The following PFKFB3 variants were observed in gnomAD, a reference collection of about 807,000 sequenced individuals.
The protein encoded by PFKFB3 is 6-phosphofructo-2-kinase/fructose-2,6-biphosphatase 3.
PFKFB3 carries 33 observed loss-of-function variants against 68.0 expected under a neutral mutation model. That is an observed-to-expected ratio of 0.49 (90% confidence interval 0.37 to 0.65). The LOEUF is 0.65. PFKFB3 is among the 30% of genes least tolerant of loss of function. The pLI is 0.00. For synonymous variants in PFKFB3, 315 were observed against 288.2 expected (o/e 1.09, Z -0.94); for missense variants, 586 against 712.2 (o/e 0.82, Z 2.02).
chr10:6,163,255 A>G (rs1842017199), intron 1 of PFKFB3, among the ~76,000 whole-genome samples: 1 of 152,214 alleles, frequency 6.6e-6, no homozygotes, highest in South Asian at 2.1e-4. Flanking sequence ...TTAAGAAAAT[A>G]TCTCCAGAGA....
chr10:6,162,493 T>A (rs766610229), intron 1 of PFKFB3, among the ~76,000 whole-genome samples: 1 of 152,220 alleles, frequency 6.6e-6, no homozygotes, highest in Non-Finnish European at 1.5e-5. Flanking sequence ...CTATTTACCA[T>A]TTTTGTCATT....
chr10:6,209,765 CTT>C (rs56822740), intron 1 of PFKFB3, among the ~76,000 whole-genome samples: 2 of 121,260 alleles, frequency 1.6e-5, no homozygotes, highest in Non-Finnish European at 1.6e-5. Flanking sequence ...CTTACCTTTT[CTT>C]TTTTTTTTTT....
At position 6,222,804 on chromosome 10, in the gene PFKFB3, A is replaced by G. The variant is rs756096960; in HGVS notation, c.1084-51A>G. The G allele has an allele frequency of 3.2e-6, 5 of 1,563,834 alleles. No individual in the cohort carries two copies. The African/African-American group carries it at 6.8e-5, about 21-fold the overall frequency. On this transcript the variant is annotated intron_variant, in intron 10 of 14. Transcript: ENST00000379775. ...TGATGCAGTCTGTGGCCAGCGGCAG[A>G]GCCCCTCCCGAGTGCCCTGAGCTCA...
Position 6,203,284 on chromosome 10 carries a change from C to T in PFKFB3, c.24C>T (p.Ser8=), listed in dbSNP as rs368385191. The change falls in exon 1 of 15, where the codon AGC becomes AGT. Residue 8 remains serine, a synonymous_variant. Coordinates refer to ENST00000379775, the MANE Select transcript of PFKFB3 (RefSeq NM_004566.4). MPLELTQ[S]RVQKIWVPVD... Reference sequence around the variant, plus strand: ...AGATGCCGTTGGAACTGACGCAGAGCCGAGTGCAGAAGATCTGGGTGCCCG... The same window carrying T: ...AGATGCCGTTGGAACTGACGCAGAGTCGAGTGCAGAAGATCTGGGTGCCCG... The T allele has an allele frequency of 3.5e-5, 57 of 1,610,862 alleles. No individual in the cohort carries two copies. In the Middle Eastern group the frequency reaches 8.3e-4, roughly 23 times the overall value.
intron 1 of PFKFB3, among the ~76,000 whole-genome samples, chr10:6,183,749 G>A (rs1430740706): frequency 2.7e-4 from 41 of 149,736 alleles, no homozygotes; most frequent in Admixed American, 7.3e-4. Context: ...GTGCAGTGGC[G>A]TGATCTCGGC....
intron 1 of PFKFB3, among the ~76,000 whole-genome samples, chr10:6,160,376 G>A (rs965363101): frequency 6.6e-6 from 1 of 152,140 alleles, no homozygotes; most frequent in Non-Finnish European, 1.5e-5. Flanking sequence ...CTCTACCTGA[G>A]GTCCAGAAAG....
chr10:6,221,757 C>T lies in PFKFB3; in HGVS notation c.1083+12C>T, dbSNP rs1293133662. 3 of 1,557,326 alleles carry T rather than the reference C, an allele frequency of 1.9e-6. No individual in the cohort carries two copies. Among genetic ancestry groups the T allele is most frequent in the Admixed American group, 3.7e-5 (2 of 53,908 alleles). ...ACCCCACCGGGGAGGTGAGCGCAGG[C>T]TGGGGCGGGCTGACGGTCCCCAGCA... On this transcript the variant is annotated intron_variant, in intron 10 of 14. Coordinates refer to ENST00000379775, the MANE Select transcript of PFKFB3 (RefSeq NM_004566.4).
chr10:6,290,752 C>T, the PFKFB3 span, among the ~76,000 whole-genome samples: 1 of 152,122 alleles, frequency 6.6e-6, no homozygotes, highest in African/African-American at 2.4e-5. Context: ...GATCTGCCTG[C>T]CTTGGCCTCC....
rs1205902145 is a variant in PFKFB3, at chr10:6,226,279, A to G, written c.1429A>G (p.Asn477Asp). Residue 477 changes from asparagine (N) to aspartate (D), a missense_variant, in exon 14 of 15, where the codon AAC becomes GAC. Physicochemically the swap from Asn to Asp is conservative, Grantham distance 23. Coordinates refer to ENST00000379775, the MANE Select transcript of PFKFB3 (RefSeq NM_004566.4). ...SPEPTKKPRI[N>D]SFEEHVASTS... ...CGAACCCACCAAAAAGCCTCGCATC[A>G]ACAGCTTTGAGGAGCATGTGGCCTC... 6.2e-7 allele frequency: 1 copy of G among 1,614,044 alleles called. No individual in the cohort carries two copies. Among genetic ancestry groups the G allele is most frequent in the Non-Finnish European group, 8.5e-7 (1 of 1,180,016 alleles).
At chr10:6,222,314 C>G (rs1845021905) in intron 10 of PFKFB3, among the ~76,000 whole-genome samples, 1 of 152,222 alleles carries the variant, frequency 6.6e-6, no homozygotes, top group Non-Finnish European at 1.5e-5. Flanking sequence ...AAAGTCACAG[C>G]CCTCCTGCTT....
At chr10:6,184,771 CT>C (rs35388630) in intron 1 of PFKFB3, among the ~76,000 whole-genome samples, 16 of 121,400 alleles carry the variant, frequency 1.3e-4, no homozygotes, top group South Asian at 2.8e-4. Flanking sequence ...CGCGCCTGGC[CT>C]TTTTTTTTTT....
rs181911361 is a variant in PFKFB3 at position 6,185,730 on chromosome 10, C to T, written c.17-27893C>T. Among the ~76,000 whole-genome samples, 410 of 151,666 alleles carry T rather than the reference C, an allele frequency of 2.7e-3. 1 individual carries two copies. Among genetic ancestry groups the T allele is most frequent in the African/African-American group, 9.3e-3 (384 of 41,314 alleles). On this transcript the variant is annotated intron_variant, in intron 1 of 14. Transcript: ENST00000379789. ...TTTCGGCTCACTGCAACCTCTGCCT[C>T]CTGGGTTCAAGCGATTTTCCTGCCT... is the stretch of plus-strand genomic sequence containing the variant.
intron 13 of PFKFB3, 189 bp downstream of exon 13, chr10:6,224,402 T>G: frequency 4.8e-6 from 3 of 629,898 alleles, no homozygotes; most frequent in Non-Finnish European, 8.5e-6. Context: ...TGGGGCCTTC[T>G]CATTTTCTTT....
chr10:6,306,786 C>T, the PFKFB3 span, among the ~76,000 whole-genome samples: 1 of 152,174 alleles, frequency 6.6e-6, no homozygotes, highest in South Asian at 2.1e-4. Flanking sequence ...ACACTCATGT[C>T]TCTTTCATGA....
chr10:6,310,806 G>A, the PFKFB3 span, among the ~76,000 whole-genome samples: 17 of 152,116 alleles, frequency 1.1e-4, no homozygotes, highest in African/African-American at 3.9e-4. Context: ...TAATTAAATC[G>A]ATGTTCATAA....
the PFKFB3 span, among the ~76,000 whole-genome samples, chr10:6,300,085 A>C: frequency 7.2e-6 from 1 of 139,476 alleles, no homozygotes; most frequent in Non-Finnish European, 1.5e-5. Context: ...TACCCATTGT[A>C]GTTAGGGTTA....
the PFKFB3 span, among the ~76,000 whole-genome samples, chr10:6,262,386 C>A: frequency 7.9e-6 from 1 of 126,406 alleles, no homozygotes; most frequent in Non-Finnish European, 1.6e-5. Context: ...CCCTGGGGGG[C>A]GGAGCCTGCA....
the PFKFB3 span, chr10:6,326,485 C>A: frequency 2.2e-6 from 1 of 450,574 alleles, no homozygotes; most frequent in South Asian, 1.6e-5. Flanking sequence ...ATAATAAACA[C>A]AAGCACTTAC....
the PFKFB3 span, among the ~76,000 whole-genome samples, chr10:6,320,828 C>G: frequency 6.6e-6 from 1 of 152,172 alleles, no homozygotes; most frequent in Non-Finnish European, 1.5e-5. Context: ...GCCAGTAGCT[C>G]TCAGAGCCAC....
Sources: gnomAD v4.1 joint callset for allele counts (sites outside exome capture counted in the v4.1 genomes callset) on GRCh38, gnomAD v4.1.1 for gene constraint, MANE v1.5 for transcripts, NCBI Gene and HGNC (gene_info 2026-07-23, HGNC 2026-07-21) for gene names.